RBFOX1: variants seen among roughly 807,000 people sequenced by gnomAD.
The protein encoded by RBFOX1 is RNA binding protein fox-1 homolog 1.
In RBFOX1, 8 loss-of-function variants were observed where a neutral mutation model predicts 57.7. The ratio of observed to expected loss-of-function variants is 0.14; its 90% CI spans 0.08 to 0.25. RBFOX1 has a LOEUF of 0.25. RBFOX1 is among the 10% of genes least tolerant of loss of function. The pLI is 1.00. For missense variants in RBFOX1, 611 were observed against 548.5 expected, an observed-to-expected ratio of 1.11 and a Z score of -1.14; for synonymous variants, 326 against 222.4, an observed-to-expected ratio of 1.47 and a Z score of -4.15.
At chr16:7,312,812 G>C (rs1480619950) in intron 4 of RBFOX1, among the ~76,000 whole-genome samples, 1 of 152,122 alleles carries the variant, frequency 6.6e-6, no homozygotes, top group East Asian at 1.9e-4. Context: ...CCAGAGACTT[G>C]GGCACACGTT....
intron 4 of RBFOX1, among the ~76,000 whole-genome samples, chr16:7,505,576 A>C (rs1207592842): frequency 6.6e-6 from 1 of 152,212 alleles, no homozygotes; most frequent in Non-Finnish European, 1.5e-5. Context: ...AGTGACTTTT[A>C]AAGAGTTGAG....
intron 3 of RBFOX1, among the ~76,000 whole-genome samples, chr16:6,764,098 G>T (rs2154200961): frequency 6.6e-6 from 1 of 152,298 alleles, no homozygotes; most frequent in African/African-American, 2.4e-5. Context: ...AAAGGTATGT[G>T]CATTTTCTGT....
At chr16:6,156,445 A>G (rs1030370585) in intron 1 of RBFOX1, among the ~76,000 whole-genome samples, 1 of 152,244 alleles carries the variant, frequency 6.6e-6, no homozygotes, top group Non-Finnish European at 1.5e-5. Context: ...TTGGATGAAC[A>G]TGCCCATGTA....
At chr16:6,767,442 A>AT (rs2077493541) in intron 3 of RBFOX1, among the ~76,000 whole-genome samples, 1 of 152,264 alleles carries the variant, frequency 6.6e-6, no homozygotes, top group South Asian at 2.1e-4. Flanking sequence ...GCAATCTATA[A>AT]TTATCCTGAG....
At chr16:6,922,522 C>G (rs1006142911) in intron 3 of RBFOX1, among the ~76,000 whole-genome samples, 1 of 152,098 alleles carries the variant, frequency 6.6e-6, no homozygotes, top group African/African-American at 2.4e-5. Context: ...CATTTAAAAT[C>G]TTTTATTTTC....
chr16:6,993,613 G>T (rs146878865), intron 3 of RBFOX1, among the ~76,000 whole-genome samples: 219 of 152,224 alleles, frequency 1.4e-3, no homozygotes, highest in African/African-American at 4.9e-3. Flanking sequence ...GAGTTTAATT[G>T]TTAAAATTCC....
In RBFOX1 at chr16:7,397,659, G is replaced by T. The variant is rs190265593; in HGVS notation, c.28-120488G>T. On this transcript the variant is annotated intron_variant, in intron 4 of 15. Coordinates refer to ENST00000550418, the MANE Select transcript of RBFOX1 (RefSeq NM_018723.4). ...GACTCTGAAGAACTTGATGACACAT[G>T]ATTCAGAAGCAAAGTGATATTTACA... Among the ~76,000 whole-genome samples, 328 of 152,310 alleles carry T rather than the reference G, an allele frequency of 2.2e-3. No individual in the cohort carries two copies. In the Middle Eastern group the frequency reaches 0.037, roughly 17 times the overall value.
intron 3 of RBFOX1, among the ~76,000 whole-genome samples, chr16:6,835,752 TAAAAAAAAAAAAA>T (rs56299805): frequency 4.0e-4 from 31 of 76,984 alleles, no homozygotes; most frequent in Admixed American, 6.0e-4. Flanking sequence ...AGACTCTGCT[TAAAAAAAAAAAAA>T]AAAAAAAAAA....
intron 3 of RBFOX1, among the ~76,000 whole-genome samples, chr16:6,754,727 A>G (rs2075511399): frequency 6.6e-6 from 1 of 151,980 alleles, no homozygotes; most frequent in Non-Finnish European, 1.5e-5. Flanking sequence ...ATTATAGTTT[A>G]AGTTTTAGGG....
intron 4 of RBFOX1, among the ~76,000 whole-genome samples, chr16:5,940,368 G>A (rs551917591): frequency 2.0e-5 from 3 of 152,294 alleles, no homozygotes; most frequent in South Asian, 2.1e-4. Context: ...AGAGCCCAAT[G>A]TTCACGTTCT....
chr16:5,622,561 A>T (rs1056163475), intron 3 of RBFOX1, among the ~76,000 whole-genome samples: 12 of 152,118 alleles, frequency 7.9e-5, no homozygotes, highest in Admixed American at 3.9e-4. Flanking sequence ...GGTACTTTTT[A>T]AAAAATCCAT....
chr16:6,482,329 A>G (rs55931842), intron 2 of RBFOX1, among the ~76,000 whole-genome samples: 26,509 of 152,204 alleles, frequency 0.17, 2,382 homozygotes, highest in Middle Eastern at 0.21. Context: ...GTGAAGAGAA[A>G]GGAAAAAGAA....
chr16:7,175,511 A>G (rs1367763429), intron 4 of RBFOX1, among the ~76,000 whole-genome samples: 3 of 152,132 alleles, frequency 2.0e-5, no homozygotes. Flanking sequence ...GGTCATACTC[A>G]TTGAGCCTAT....
chr16:6,962,386 T>C (rs1304003671), intron 3 of RBFOX1, among the ~76,000 whole-genome samples: 3 of 152,192 alleles, frequency 2.0e-5, no homozygotes, highest in Non-Finnish European at 2.9e-5. Flanking sequence ...GACTTCGACT[T>C]ATCTTTTTAG....
At chr16:7,448,857 C>T (rs1282339264) in intron 4 of RBFOX1, among the ~76,000 whole-genome samples, 4 of 150,514 alleles carry the variant, frequency 2.7e-5, no homozygotes, top group Non-Finnish European at 5.9e-5. Flanking sequence ...ATAATCTCAT[C>T]TTAACTAAAT....
intron 1 of RBFOX1, among the ~76,000 whole-genome samples, chr16:6,150,546 A>G (rs1396068152): frequency 6.6e-6 from 1 of 152,128 alleles, no homozygotes; most frequent in Non-Finnish European, 1.5e-5. Flanking sequence ...GAACCAAATG[A>G]ATGCTAGCTC....
intron 2 of RBFOX1, among the ~76,000 whole-genome samples, chr16:5,552,914 A>G (rs1011359021): frequency 2.4e-4 from 37 of 152,192 alleles, no homozygotes; most frequent in African/African-American, 4.8e-5. Flanking sequence ...GCTTGGGGCA[A>G]GAATTCAAAA....
intron 4 of RBFOX1, among the ~76,000 whole-genome samples, chr16:7,054,484 G>A (rs1231139569): frequency 1.4e-5 from 2 of 142,510 alleles, no homozygotes; most frequent in African/African-American, 2.5e-5. Context: ...CTCGTGATCC[G>A]CCAGCCTCGG....
chr16:6,890,319 G>A (rs920083231), intron 3 of RBFOX1, among the ~76,000 whole-genome samples: 3 of 152,106 alleles, frequency 2.0e-5, no homozygotes, highest in Non-Finnish European at 4.4e-5. Context: ...AGGAGTTCAA[G>A]ACCAGCCTGG....
Sources: allele counts gnomAD v4.1 joint callset (sites outside exome capture counted in the v4.1 genomes callset), GRCh38; gene constraint gnomAD v4.1.1; transcripts MANE v1.5; gene names NCBI Gene and HGNC (gene_info 2026-07-23, HGNC 2026-07-21).